HMGCLL1: variants seen among roughly 807,000 people sequenced by gnomAD.
HMGCLL1 encodes 3-hydroxymethyl-3-methylglutaryl-CoA lyase, cytoplasmic.
A neutral mutation model predicts 39.1 loss-of-function variants in HMGCLL1; 36 were observed. The ratio of observed to expected loss-of-function variants is 0.92; its 90% CI spans 0.71 to 1.22. The LOEUF is 1.22. Ranked by LOEUF, HMGCLL1 falls within the 50% of genes most tolerant of loss-of-function variation. The pLI, the probability that HMGCLL1 is intolerant of heterozygous loss-of-function variation, is 0.00. For missense variants in HMGCLL1, 451 were observed against 416.5 expected (o/e 1.08, Z -0.72); for synonymous variants, 149 against 144.0 (o/e 1.03, Z -0.25).
intron 3 of HMGCLL1, among the ~76,000 whole-genome samples, chr6:55,530,222 G>T (rs535701698): frequency 6.6e-6 from 1 of 152,100 alleles, no homozygotes; most frequent in African/African-American, 2.4e-5. Context: ...AGCAGTATAA[G>T]AAGGTCTGAA....
chr6:55,525,770 G>C (rs560765103), intron 3 of HMGCLL1, among the ~76,000 whole-genome samples: 1 of 152,080 alleles, frequency 6.6e-6, no homozygotes, highest in South Asian at 2.1e-4. Flanking sequence ...TGCACATTCA[G>C]TAATTTCCTC....
At chr6:55,441,614 C>T (rs1009692340) in intron 7 of HMGCLL1, among the ~76,000 whole-genome samples, 5 of 152,048 alleles carry the variant, frequency 3.3e-5, no homozygotes, top group Admixed American at 2.6e-4. Flanking sequence ...CATTAGTAGT[C>T]AGGTATCCTT....
intron 7 of HMGCLL1, among the ~76,000 whole-genome samples, chr6:55,470,067 C>T (rs1243436463): frequency 2.0e-5 from 3 of 151,846 alleles, no homozygotes; most frequent in Non-Finnish European, 2.9e-5. Context: ...GTTGTTTTAT[C>T]AGGGATCACT....
intron 3 of HMGCLL1, among the ~76,000 whole-genome samples, chr6:55,520,565 T>A (rs1359210509): frequency 6.6e-6 from 1 of 151,992 alleles, no homozygotes; most frequent in Non-Finnish European, 1.5e-5. Context: ...AAAGGGCAGG[T>A]TCCAATTCAA....
chr6:55,613,344 T>C, the HMGCLL1 span, among the ~76,000 whole-genome samples: 1 of 152,152 alleles, frequency 6.6e-6, no homozygotes, highest in Non-Finnish European at 1.5e-5. Context: ...ACATTGTTGG[T>C]AGGAATGTAA....
At chr6:55,440,510 A>G (rs891502155) in intron 7 of HMGCLL1, among the ~76,000 whole-genome samples, 11 of 152,114 alleles carry the variant, frequency 7.2e-5, no homozygotes, top group Non-Finnish European at 1.6e-4. Context: ...GGGTCTGAGA[A>G]GGGCCCCGGA....
chr6:55,536,380 T>C (rs898545040), intron 3 of HMGCLL1, among the ~76,000 whole-genome samples: 1 of 152,190 alleles, frequency 6.6e-6, no homozygotes, highest in Non-Finnish European at 1.5e-5. Flanking sequence ...GTATTTTTAT[T>C]TTTAAATAAG....
At chr6:55,500,605 G>C (rs970678899) in intron 5 of HMGCLL1, among the ~76,000 whole-genome samples, 1 of 151,858 alleles carries the variant, frequency 6.6e-6, no homozygotes, top group Non-Finnish European at 1.5e-5. Context: ...AGTTATGAGG[G>C]ATAGAAAAGG....
At chr6:55,439,679 T>C in intron 7 of HMGCLL1, 120 bp from the exon 8 acceptor site, 1 of 1,078,214 alleles carries the variant, frequency 9.3e-7, no homozygotes, top group Non-Finnish European at 1.4e-6. Flanking sequence ...TTCAAATATA[T>C]TCACTTACCC....
chr6:55,513,665 T>TA (rs1377375902), intron 5 of HMGCLL1: 11 of 193,326 alleles, frequency 5.7e-5, no homozygotes, highest in East Asian at 2.5e-4. Flanking sequence ...AGTCATGTTT[T>TA]AAAAAAAATT....
Position 55,529,572 on chromosome 6 carries a change from C to A in HMGCLL1, c.297+12157G>T, listed in dbSNP as rs1249530319. ...TTTGTGGTTTGGCCATCATATAGAT[C>A]CGGAGATCTCCGTTTTGATATAAGA... On this transcript the variant is annotated intron_variant, in intron 3 of 8. Coordinates refer to ENST00000274901, the MANE Select transcript of HMGCLL1 (RefSeq NM_001042406.2). Among the ~76,000 whole-genome samples the A allele has an allele frequency of 2.6e-5, 4 of 152,008 alleles. No individual in the cohort carries two copies. In the East Asian group the frequency reaches 5.8e-4, roughly 22 times the overall value.
intron 3 of HMGCLL1, among the ~76,000 whole-genome samples, chr6:55,533,354 G>C (rs879066355): frequency 2.0e-5 from 3 of 151,782 alleles, no homozygotes; most frequent in Non-Finnish European, 2.9e-5. Context: ...TTCAATAAGA[G>C]ATAAGTTTGC....
At chr6:55,530,844 C>G (rs1410350982) in intron 3 of HMGCLL1, among the ~76,000 whole-genome samples, 2 of 152,086 alleles carry the variant, frequency 1.3e-5, no homozygotes, top group East Asian at 1.9e-4. Flanking sequence ...AGAAAAATCA[C>G]TTTATTTTTA....
At chr6:55,582,071 C>T (rs1024069052), upstream of HMGCLL1, among the ~76,000 whole-genome samples, 10 of 152,240 alleles carry the variant, frequency 6.6e-5, no homozygotes, top group East Asian at 1.7e-3. Context: ...CTCTCTGCTC[C>T]ACTTCCTATC....
At chr6:55,523,404 G>A (rs1206935091) in intron 3 of HMGCLL1, among the ~76,000 whole-genome samples, 1 of 152,006 alleles carries the variant, frequency 6.6e-6, no homozygotes, top group Non-Finnish European at 1.5e-5. Flanking sequence ...CAGTGAAACG[G>A]TGTGAGATGA....
At chr6:55,662,358 C>T in the HMGCLL1 span, among the ~76,000 whole-genome samples, 1 of 151,462 alleles carries the variant, frequency 6.6e-6, no homozygotes, top group South Asian at 2.1e-4. Context: ...AGGTATAATC[C>T]TTCAATGCTA....
At chr6:55,586,390 G>GA in the HMGCLL1 span, among the ~76,000 whole-genome samples, 1 of 100,172 alleles carries the variant, frequency 1.0e-5, no homozygotes, top group African/African-American at 4.7e-5. Context: ...ACAAAACATG[G>GA]AAATCAGTTT....
intron 3 of HMGCLL1, among the ~76,000 whole-genome samples, chr6:55,517,900 G>A (rs9464255): frequency 0.58 from 87,812 of 151,738 alleles, 25,672 homozygotes; most frequent in Admixed American, 0.65. Context: ...TTAAGCTTTC[G>A]TGTTTCATTC....
At chr6:55,654,774 A>T in the HMGCLL1 span, among the ~76,000 whole-genome samples, 3 of 152,012 alleles carry the variant, frequency 2.0e-5, no homozygotes, top group African/African-American at 7.2e-5. Context: ...CAGCTTGCAC[A>T]TATCACATTA....
Sources: gnomAD v4.1 joint callset for allele counts (sites outside exome capture counted in the v4.1 genomes callset) on GRCh38, gnomAD v4.1.1 for gene constraint, MANE v1.5 for transcripts, NCBI Gene and HGNC (gene_info 2026-07-23, HGNC 2026-07-21) for gene names.